Variants in RBFOX1 observed in about 807,000 individuals in gnomAD.
The protein encoded by RBFOX1 is RNA binding fox-1 homolog 1, also known as RNA binding protein fox-1 homolog 1.
In RBFOX1, 8 loss-of-function variants were observed where a neutral mutation model predicts 57.7. That is an observed-to-expected ratio of 0.14 (90% CI 0.08 to 0.25). The LOEUF (loss-of-function observed/expected upper bound fraction) is 0.25. Ranked by LOEUF, RBFOX1 falls within the 10% of genes least tolerant of loss-of-function variation. The pLI is 1.00. For missense variants in RBFOX1, 611 were observed against 548.5 expected, an observed-to-expected ratio of 1.11 and a Z score of -1.14; for synonymous variants, 326 against 222.4, an observed-to-expected ratio of 1.47 and a Z score of -4.15.
intron 4 of RBFOX1, among the ~76,000 whole-genome samples, chr16:5,951,229 C>G (rs1418816598): frequency 2.6e-5 from 4 of 152,174 alleles, no homozygotes; most frequent in African/African-American, 9.7e-5. Context: ...AGGCAGATCA[C>G]TTGAGATCAG....
chr16:7,216,383 A>T (rs1319254219), intron 4 of RBFOX1, among the ~76,000 whole-genome samples: 1 of 152,098 alleles, frequency 6.6e-6, no homozygotes, highest in Admixed American at 6.5e-5. Flanking sequence ...GACCGGGCGC[A>T]GTGGCTCATG....
chr16:5,767,543 C>G (rs975808812), intron 3 of RBFOX1, among the ~76,000 whole-genome samples: 1 of 152,130 alleles, frequency 6.6e-6, no homozygotes, highest in African/African-American at 2.4e-5. Flanking sequence ...TAGACCTGTC[C>G]CTACGAACCC....
At chr16:6,670,639 A>T (rs2098758220) in intron 3 of RBFOX1, among the ~76,000 whole-genome samples, 2 of 152,308 alleles carry the variant, frequency 1.3e-5, no homozygotes, top group Middle Eastern at 3.4e-3. Context: ...ATCTACTAAA[A>T]TTAGCCAGGT....
chr16:7,529,064 G>C (rs2079356348), intron 5 of RBFOX1, among the ~76,000 whole-genome samples: 1 of 152,164 alleles, frequency 6.6e-6, no homozygotes, highest in African/African-American at 2.4e-5. Context: ...TTCAAGACCA[G>C]CCTGGTCAAC....
intron 5 of RBFOX1, among the ~76,000 whole-genome samples, chr16:7,522,810 T>G (rs150823023): frequency 3.9e-5 from 6 of 152,130 alleles, no homozygotes; most frequent in Non-Finnish European, 8.8e-5. Context: ...GTAGGTAGTC[T>G]AGGAAAAAAG....
chr16:5,769,505 T>G (rs550533670), intron 3 of RBFOX1, among the ~76,000 whole-genome samples: 2 of 148,794 alleles, frequency 1.3e-5, no homozygotes, highest in East Asian at 4.0e-4. Flanking sequence ...AAAAAAAAAT[T>G]AGCTAGGTAT....
intron 4 of RBFOX1, among the ~76,000 whole-genome samples, chr16:7,151,805 C>G (rs935605346): frequency 1.3e-5 from 2 of 152,096 alleles, no homozygotes; most frequent in Non-Finnish European, 2.9e-5. Flanking sequence ...GCATTAGATT[C>G]TCATAAGCCA....
At chr16:6,323,648 A>T (rs1056006042) in intron 2 of RBFOX1, among the ~76,000 whole-genome samples, 2 of 152,236 alleles carry the variant, frequency 1.3e-5, no homozygotes, top group African/African-American at 2.4e-5. Flanking sequence ...AATGCTTGTG[A>T]ATTGACCACA....
chr16:7,465,187 C>T (rs768910416), intron 4 of RBFOX1, among the ~76,000 whole-genome samples: 1 of 152,160 alleles, frequency 6.6e-6, no homozygotes, highest in African/African-American at 2.4e-5. Context: ...ACATTCTTTA[C>T]AAACCTAGCT....
intron 1 of RBFOX1, among the ~76,000 whole-genome samples, chr16:5,357,092 T>C (rs2065410556): frequency 6.6e-6 from 1 of 152,216 alleles, no homozygotes; most frequent in Non-Finnish European, 1.5e-5. Flanking sequence ...GGTGCTGCTC[T>C]TAACTGGCAA....
intron 2 of RBFOX1, among the ~76,000 whole-genome samples, chr16:5,590,973 C>G (rs1335304263): frequency 4.0e-5 from 6 of 151,880 alleles, no homozygotes; most frequent in Admixed American, 3.9e-4. Context: ...TCCTGTCGTC[C>G]AAAGCGACCC....
At chr16:7,520,772 T>C (rs532411101) in intron 5 of RBFOX1, among the ~76,000 whole-genome samples, 2 of 152,350 alleles carry the variant, frequency 1.3e-5, no homozygotes, top group Non-Finnish European at 1.5e-5. Flanking sequence ...TGTTGGCTAT[T>C]TTGTGACAAT....
chr16:6,837,391 T>G (rs1405120330), intron 3 of RBFOX1, among the ~76,000 whole-genome samples: 1 of 152,204 alleles, frequency 6.6e-6, no homozygotes, highest in Non-Finnish European at 1.5e-5. Context: ...TGGTAGTGAC[T>G]TCCAATCACG....
chr16:6,467,524 C>G (rs1310475583), intron 2 of RBFOX1, among the ~76,000 whole-genome samples: 1 of 152,060 alleles, frequency 6.6e-6, no homozygotes, highest in African/African-American at 2.4e-5. Flanking sequence ...TATGCTGAGA[C>G]AGGAGTTCTT....
At chr16:6,535,242 T>C (rs571319677) in intron 2 of RBFOX1, among the ~76,000 whole-genome samples, 3 of 152,292 alleles carry the variant, frequency 2.0e-5, no homozygotes, top group African/African-American at 7.2e-5. Flanking sequence ...GTTGGTCACC[T>C]TCTTTCCAGC....
chr16:7,707,655 C>G (rs1373612010), intron 14 of RBFOX1, among the ~76,000 whole-genome samples: 1 of 152,130 alleles, frequency 6.6e-6, no homozygotes, highest in Non-Finnish European at 1.5e-5. Flanking sequence ...GAGGAAGCCA[C>G]TTTAACTCAA....
In RBFOX1 at chr16:7,588,916, G is replaced by C. The variant is rs554652758; in HGVS notation, c.468+1616G>C. Among the ~76,000 whole-genome samples, 10 of 152,276 alleles carry C rather than the reference G, an allele frequency of 6.6e-5. 1 individual carries two copies. The highest frequency in any genetic ancestry group is 2.2e-4 in the African/African-American group (9 of 41,558). On this transcript the variant is annotated intron_variant, in intron 7 of 15. Coordinates refer to ENST00000550418, the MANE Select transcript of RBFOX1 (RefSeq NM_018723.4). ...GCCAGAGTGATGTTGTAATCTGTCA[G>C]ATGAGCAAAAACAAAAGCAAAACAG...
At chr16:5,756,448 C>T (rs567805754) in intron 3 of RBFOX1, among the ~76,000 whole-genome samples, 16 of 152,126 alleles carry the variant, frequency 1.1e-4, no homozygotes, top group East Asian at 1.9e-4. Flanking sequence ...ATCACCTTTG[C>T]GGTGGAGTTT....
rs371324930 is a variant in RBFOX1 at position 6,334,094 on chromosome 16, A to G, written c.-64+17037A>G. ...ATTTTCCTTGATTAAAGAAGGAAAT[A>G]ACAACTTGGAGAGGAAATCTAAGTA... On this transcript the variant is annotated intron_variant, in intron 2 of 15. Coordinates refer to ENST00000550418, the MANE Select transcript of RBFOX1 (RefSeq NM_018723.4). Among the ~76,000 whole-genome samples, 9 of 152,340 alleles carry G rather than the reference A, an allele frequency of 5.9e-5. No individual in the cohort carries two copies. In the East Asian group the frequency reaches 1.5e-3, roughly 26 times the overall value.
Sources: allele counts gnomAD v4.1 joint callset (sites outside exome capture counted in the v4.1 genomes callset), GRCh38; gene constraint gnomAD v4.1.1; transcripts MANE v1.5; gene names NCBI Gene and HGNC (gene_info 2026-07-23, HGNC 2026-07-21).